Variants in FLT3 observed in about 807,000 individuals in gnomAD.
The protein encoded by FLT3 is receptor-type tyrosine-protein kinase FLT3.
A neutral mutation model predicts 126.6 loss-of-function variants in FLT3; 46 were observed. The observed-to-expected ratio is 0.36, with a 90% CI of 0.29 to 0.46. The LOEUF is 0.46. Among genes scored for constraint, FLT3 ranks in the 20% least tolerant of loss-of-function variants. The pLI is 1.00. For missense variants in FLT3, 1,069 were observed against 1,190.3 expected, an observed-to-expected ratio of 0.90 and a Z score of 1.50; for synonymous variants, 404 against 434.4, an observed-to-expected ratio of 0.93 and a Z score of 0.87.
intron 3 of FLT3, among the ~76,000 whole-genome samples, chr13:28,060,376 C>T (rs1190366111): frequency 7.0e-6 from 1 of 143,238 alleles, no homozygotes; most frequent in Non-Finnish European, 1.5e-5. Flanking sequence ...GAGGTGAGAT[C>T]GTGCCACTGC....
In FLT3 at chr13:28,033,940, T is replaced by G. The variant is rs777621655; in HGVS notation, c.1889A>C (p.Tyr630Ser). The G allele has an allele frequency of 1.2e-6, 2 of 1,614,234 alleles. No individual in the cohort carries two copies. Among genetic ancestry groups the G allele is most frequent in the Non-Finnish European group, 1.7e-6 (2 of 1,180,042 alleles). ...TGAGACTCCTGTTTTGCTAATTCCATAAGCTGTTGCGTTCATCACTTTTCC... is the reference window on the plus strand; with the variant it reads ...TGAGACTCCTGTTTTGCTAATTCCAGAAGCTGTTGCGTTCATCACTTTTCC... ...AFGKVMNATA[Y>S]GISKTGVSIQ... The change falls in exon 15 of 24, where the codon TAT (tyrosine) becomes TCT (serine). Residue 630 changes from tyrosine (Y) to serine (S), a missense_variant. Tyr to Ser is a moderately radical substitution (Grantham distance 144). Coordinates refer to ENST00000241453, the MANE Select transcript of FLT3 (RefSeq NM_004119.3).
intron 19 of FLT3, among the ~76,000 whole-genome samples, chr13:28,021,040 G>A (rs544321884): frequency 6.6e-6 from 1 of 152,102 alleles, no homozygotes; most frequent in African/African-American, 2.4e-5. Context: ...TATTTACTTA[G>A]CTATGGGCAG....
chr13:28,008,903 G>A (rs1871141802), intron 23 of FLT3, among the ~76,000 whole-genome samples: 2 of 152,036 alleles, frequency 1.3e-5, no homozygotes, highest in African/African-American at 4.8e-5. Context: ...TATTTATTCT[G>A]AGATTCTCTT....
intron 1 of FLT3, among the ~76,000 whole-genome samples, chr13:28,074,753 A>AGGG (rs1877810009): frequency 1.3e-5 from 2 of 151,850 alleles, no homozygotes; most frequent in African/African-American, 4.8e-5. Flanking sequence ...CCATCCCCCC[A>AGGG]CCTTAGCTTC....
chr13:28,009,404 G>C (rs1394112003), intron 23 of FLT3: 1 of 152,204 alleles, frequency 6.6e-6, no homozygotes, highest in African/African-American at 2.4e-5. Flanking sequence ...CCTTGTCCTT[G>C]TTTTTCCCAG....
intron 1 of FLT3, among the ~76,000 whole-genome samples, chr13:28,091,587 C>T (rs1465773238): frequency 6.6e-6 from 1 of 151,956 alleles, no homozygotes; most frequent in African/African-American, 2.4e-5. Flanking sequence ...ATTCTCTGAA[C>T]TCATTCATTC....
At chr13:28,047,464 C>CT (rs1163089026) in intron 9 of FLT3, among the ~76,000 whole-genome samples, 2 of 152,106 alleles carry the variant, frequency 1.3e-5, no homozygotes, top group Non-Finnish European at 2.9e-5. Context: ...AATCCCAGCA[C>CT]TTTGGGAGGC....
At position 28,048,257 on chromosome 13, in the gene FLT3, A is replaced by G; in HGVS notation, c.1205+18T>C. The G allele has an allele frequency of 6.3e-7, 1 of 1,597,374 alleles. No individual in the cohort carries two copies. Among genetic ancestry groups the G allele is most frequent in the Non-Finnish European group, 8.5e-7 (1 of 1,170,600 alleles). ...AATTATGCTAAAAATGGTATCTTAGAGTCCTTTGTGGTCTCACCTGTATCC... is the reference window on the plus strand; with the variant it reads ...AATTATGCTAAAAATGGTATCTTAGGGTCCTTTGTGGTCTCACCTGTATCC... On this transcript the variant is annotated intron_variant, in intron 9 of 23. Coordinates refer to ENST00000241453, the MANE Select transcript of FLT3 (RefSeq NM_004119.3).
At chr13:28,095,661 G>C (rs1475406560) in intron 1 of FLT3, among the ~76,000 whole-genome samples, 2 of 152,122 alleles carry the variant, frequency 1.3e-5, no homozygotes, top group Admixed American at 1.3e-4. Context: ...GAGATTATTT[G>C]CTTTTTGTCA....
rs1875309190 is a variant in FLT3 at position 28,050,186 on chromosome 13, C to A, written c.651G>T (p.Glu217Asp). The change falls in exon 6 of 24, where the codon GAG (glutamate) becomes GAT (aspartate). Residue 217 changes from glutamate (E) to aspartate (D), a missense_variant. Transcript: ENST00000241453. The stretch of plus-strand genomic sequence containing the variant: ...CAAATAATTCATGAAGCACTTTTTC[C>A]TCCTTTTTAACAACAGCTGGACTTT... ...KEESPAVVKK[E>D]EKVLHELFGT... The A allele has an allele frequency of 6.2e-7, 1 of 1,613,982 alleles. No individual in the cohort carries two copies. Among genetic ancestry groups the A allele is most frequent in the African/African-American group, 1.3e-5 (1 of 74,944 alleles).
chr13:28,045,846 C>T (rs951504135), intron 9 of FLT3, among the ~76,000 whole-genome samples: 2 of 86,818 alleles, frequency 2.3e-5, no homozygotes, highest in African/African-American at 7.3e-5. Flanking sequence ...CAGAATAAGA[C>T]TCTGTCTCAA....
chr13:28,026,904 G>A (rs1409245495), intron 17 of FLT3, among the ~76,000 whole-genome samples, 184 bp downstream of exon 17: 1 of 152,192 alleles, frequency 6.6e-6, no homozygotes, highest in East Asian at 1.9e-4. Context: ...TGTACTGAAG[G>A]AAAGGGACAG....
chr13:28,048,528 T>C, intron 8 of FLT3, 85 bp from the exon 9 acceptor site: 1 of 959,618 alleles, frequency 1.0e-6, no homozygotes, highest in Non-Finnish European at 1.6e-6. Flanking sequence ...CTTGTATTCA[T>C]CAGTTTAACA....
intron 9 of FLT3, among the ~76,000 whole-genome samples, chr13:28,044,702 G>A (rs181524506): frequency 1.8e-3 from 271 of 152,220 alleles, no homozygotes; most frequent in African/African-American, 6.2e-3. Flanking sequence ...TACATTATCA[G>A]TACCAACAAT....
Position 28,035,924 on chromosome 13 carries a change from G to A in FLT3, c.1418+11C>T. The A allele has an allele frequency of 6.3e-7, 1 of 1,587,216 alleles. No homozygotes were observed. The highest frequency in any genetic ancestry group is 8.7e-7 in the Non-Finnish European group (1 of 1,155,478). On this transcript the variant is annotated intron_variant, in intron 11 of 23. Transcript: ENST00000241453. ...TTCTTCCATTATAAGAGGCATCAAT[G>A]TCCTTATTACTTGGGAGACTTGTCT...
intron 1 of FLT3, among the ~76,000 whole-genome samples, chr13:28,099,267 C>T (rs528037740): frequency 3.9e-5 from 6 of 152,212 alleles, no homozygotes; most frequent in African/African-American, 1.4e-4. Flanking sequence ...TAATAGAAAG[C>T]TAACATTTTG....
intron 1 of FLT3, among the ~76,000 whole-genome samples, chr13:28,084,875 T>C (rs1878554047): frequency 6.7e-6 from 1 of 150,088 alleles, no homozygotes; most frequent in African/African-American, 2.5e-5. Context: ...CTCGGGAGGC[T>C]GAGGCAGGAG....
intron 1 of FLT3, among the ~76,000 whole-genome samples, chr13:28,081,068 A>T (rs1006368713): frequency 6.6e-5 from 10 of 152,188 alleles, no homozygotes; most frequent in African/African-American, 2.4e-4. Context: ...TCTACTACAA[A>T]TTCTCTAACT....
At chr13:28,085,074 G>T (rs1202804270) in intron 1 of FLT3, among the ~76,000 whole-genome samples, 1 of 151,988 alleles carries the variant, frequency 6.6e-6, no homozygotes, top group East Asian at 1.9e-4. Context: ...AGCCGGGGCG[G>T]TGGCTCACGC....
Sources: allele counts gnomAD v4.1 joint callset (sites outside exome capture counted in the v4.1 genomes callset), GRCh38; gene constraint gnomAD v4.1.1; transcripts MANE v1.5; gene names NCBI Gene and HGNC (gene_info 2026-07-23, HGNC 2026-07-21).